KIF18A: variants seen among roughly 807,000 people sequenced by gnomAD.
The protein encoded by KIF18A is kinesin family member 18A.
KIF18A carries 67 observed loss-of-function variants against 103.3 expected under a neutral mutation model. The observed-to-expected ratio is 0.65, with a 90% confidence interval of 0.53 to 0.79. The LOEUF (loss-of-function observed/expected upper bound fraction) is 0.79, where lower values mean the gene tolerates loss of function less well. Ranked by LOEUF, KIF18A falls within the 30% of genes least tolerant of loss-of-function variation. The pLI is 0.00. For synonymous variants in KIF18A, 367 were observed against 355.5 expected (o/e 1.03, Z -0.36); for missense variants, 1,032 against 1,062.5 (o/e 0.97, Z 0.40).
Position 28,094,699 on chromosome 11 carries a change from A to T in KIF18A, c.427T>A (p.Cys143Ser). 6.2e-7 allele frequency: 1 copy of T among 1,613,016 alleles called. No homozygotes were observed. The highest frequency in any genetic ancestry group is 1.3e-5 in the African/African-American group (1 of 75,022). ...TTCTCTTCTTTAATCTCATCCATGC[A>T]TTTGTAAAGGTGTAACATTGTTAGA... The part of the protein sequence containing the change: ...MYLTMLHLYK[C>S]MDEIKEEKIC... Residue 143 changes from cysteine (C) to serine (S), a missense_variant, in exon 3 of 17, where the codon TGC becomes AGC. By Grantham distance (112) the Cys-to-Ser change is moderately radical. Transcript: ENST00000263181.
chr11:28,091,729 C>T (rs1851307078), intron 3 of KIF18A, among the ~76,000 whole-genome samples: 1 of 152,186 alleles, frequency 6.6e-6, no homozygotes, highest in South Asian at 2.1e-4. Context: ...GAAATTGAAA[C>T]TTAAAGTTGG....
intron 13 of KIF18A, chr11:28,056,738 A>T (rs1850785614): frequency 6.0e-6 from 1 of 166,982 alleles, no homozygotes; most frequent in South Asian, 2.1e-4. Context: ...AACACTTAAC[A>T]TAAAATCTGA....
chr11:28,046,715 A>G (rs60712878), intron 13 of KIF18A, among the ~76,000 whole-genome samples: 3 of 141,430 alleles, frequency 2.1e-5, no homozygotes, highest in Admixed American at 7.6e-5. Flanking sequence ...AAAAAAAAAA[A>G]GAAAAAAAAT....
intron 15 of KIF18A, among the ~76,000 whole-genome samples, chr11:28,033,758 A>C (rs1437685932): frequency 6.6e-6 from 1 of 151,576 alleles, no homozygotes; most frequent in Non-Finnish European, 1.5e-5. Context: ...GGGGATGCTT[A>C]ATCTAAATAT....
intron 9 of KIF18A, among the ~76,000 whole-genome samples, chr11:28,081,310 A>G (rs1355991675): frequency 6.6e-6 from 1 of 152,164 alleles, no homozygotes; most frequent in Non-Finnish European, 1.5e-5. Context: ...TAGGACCTTC[A>G]TATCTAGAGA....
At chr11:28,093,800 T>C (rs1398037567) in intron 3 of KIF18A, among the ~76,000 whole-genome samples, 1 of 152,188 alleles carries the variant, frequency 6.6e-6, no homozygotes, top group Non-Finnish European at 1.5e-5. Context: ...TCTACCATCA[T>C]AATAGTAATT....
chr11:28,049,317 A>G (rs980153351), intron 13 of KIF18A, among the ~76,000 whole-genome samples: 1 of 152,022 alleles, frequency 6.6e-6, no homozygotes, highest in African/African-American at 2.4e-5. Context: ...AAATAAAGAG[A>G]CTAGATAATT....
intron 16 of KIF18A, among the ~76,000 whole-genome samples, chr11:28,022,929 T>C (rs1047032832): frequency 6.6e-6 from 1 of 152,210 alleles, no homozygotes; most frequent in South Asian, 2.1e-4. Flanking sequence ...CATGTTATCC[T>C]TAGAAAAATT....
chr11:28,073,899 T>C (rs573931257), intron 10 of KIF18A, among the ~76,000 whole-genome samples: 2 of 152,202 alleles, frequency 1.3e-5, no homozygotes, highest in African/African-American at 2.4e-5. Context: ...CAATATCAGC[T>C]TCCTATGGCT....
At chr11:28,034,539 T>C (rs996206182) in intron 15 of KIF18A, among the ~76,000 whole-genome samples, 1 of 151,698 alleles carries the variant, frequency 6.6e-6, no homozygotes, top group Non-Finnish European at 1.5e-5. Flanking sequence ...GAAAGCCTCA[T>C]AAGAACATCA....
In KIF18A at chr11:28,094,771, T is replaced by TAA. The variant is rs1851347715; in HGVS notation, c.354_355insTT (p.Lys119LeufsTer7). ...GCTGATCCTAGCATAGTGTGGGTCT[T>TAA]CCCAGCACCAGTGGCACCATAGGCA... On this transcript the variant is annotated frameshift_variant, in exon 3 of 17. Transcript: ENST00000263181. LOFTEE classifies it high-confidence loss of function. 6.2e-7 allele frequency: 1 copy of TAA among 1,614,032 alleles called. No homozygotes were observed.
At chr11:28,084,472 T>A in intron 7 of KIF18A, 160 bp downstream of exon 7, 1 of 365,078 alleles carries the variant, frequency 2.7e-6, no homozygotes, top group Non-Finnish European at 5.0e-6. Context: ...TTTAACCGTC[T>A]AAATTAATGT....
chr11:28,056,464 C>A (rs902840680), intron 13 of KIF18A, among the ~76,000 whole-genome samples: 1 of 151,810 alleles, frequency 6.6e-6, no homozygotes, highest in Admixed American at 6.6e-5. Context: ...ATAGACAATA[C>A]AATGGGAAAG....
intron 9 of KIF18A, among the ~76,000 whole-genome samples, chr11:28,082,488 G>A (rs997445194): frequency 6.6e-6 from 1 of 152,092 alleles, no homozygotes; most frequent in Non-Finnish European, 1.5e-5. Flanking sequence ...TCATTAGCAT[G>A]TTTTAGCAAT....
intron 2 of KIF18A, among the ~76,000 whole-genome samples, chr11:28,095,482 C>T (rs560129430): frequency 6.6e-6 from 1 of 152,346 alleles, no homozygotes; most frequent in Non-Finnish European, 1.5e-5. Context: ...ATCCACATCC[C>T]TCTCTTCTGG....
intron 11 of KIF18A, among the ~76,000 whole-genome samples, chr11:28,064,002 G>A (rs2133532122): frequency 6.6e-6 from 1 of 151,614 alleles, no homozygotes; most frequent in Non-Finnish European, 1.5e-5. Context: ...TCCAATGCCA[G>A]TTATTGAGAC....
intron 13 of KIF18A, among the ~76,000 whole-genome samples, chr11:28,058,697 A>G (rs1199025380): frequency 1.4e-5 from 2 of 146,818 alleles, no homozygotes; most frequent in Non-Finnish European, 3.0e-5. Context: ...AAAAAAAAGA[A>G]AAGAGTTGTA....
At chr11:28,026,820 T>G (rs143416893) in intron 15 of KIF18A, among the ~76,000 whole-genome samples, 155 of 151,774 alleles carry the variant, frequency 1.0e-3, no homozygotes, top group African/African-American at 3.6e-3. Flanking sequence ...ACTATGCAAA[T>G]TAGTGATAAA....
chr11:28,080,736 G>C (rs1851155399), intron 9 of KIF18A, among the ~76,000 whole-genome samples: 1 of 152,136 alleles, frequency 6.6e-6, no homozygotes, highest in African/African-American at 2.4e-5. Context: ...GAAAGAGTTA[G>C]TTGCATGTCT....
Sources: allele counts gnomAD v4.1 joint callset (sites outside exome capture counted in the v4.1 genomes callset), GRCh38; gene constraint gnomAD v4.1.1; transcripts MANE v1.5; gene names NCBI Gene and HGNC (gene_info 2026-07-23, HGNC 2026-07-21).